The following PDE7B variants were observed in gnomAD, a reference collection of about 807,000 sequenced individuals.
The protein encoded by PDE7B is phosphodiesterase 7B, also known as 3',5'-cyclic-AMP phosphodiesterase 7B.
In PDE7B, 29 loss-of-function variants were observed where a neutral mutation model predicts 56.2. The observed-to-expected ratio is 0.52, with a 90% CI of 0.38 to 0.70. The LOEUF (loss-of-function observed/expected upper bound fraction) is 0.70. Ranked by LOEUF, PDE7B falls within the 30% of genes least tolerant of loss-of-function variation. The probability of loss-of-function intolerance (pLI) is 0.00; values close to 1 mark genes in which losing one functional copy is unlikely to be tolerated. For missense variants in PDE7B, 490 were observed against 565.0 expected, an observed-to-expected ratio of 0.87 and a Z score of 1.35; for synonymous variants, 197 against 196.9, an observed-to-expected ratio of 1.00 and a Z score of 0.00.
intron 2 of PDE7B, among the ~76,000 whole-genome samples, chr6:135,981,671 C>T (rs1340062471): frequency 6.6e-6 from 1 of 151,202 alleles, no homozygotes; most frequent in African/African-American, 2.4e-5. Flanking sequence ...TCTTCAGGGG[C>T]AATAACACAC....
intron 2 of PDE7B, among the ~76,000 whole-genome samples, chr6:136,013,069 T>C (rs919236880): frequency 6.6e-6 from 1 of 152,226 alleles, no homozygotes; most frequent in African/African-American, 2.4e-5. Flanking sequence ...TTATCTTTGA[T>C]GTAACATGTG....
At chr6:136,079,068 C>A (rs952671284) in intron 2 of PDE7B, among the ~76,000 whole-genome samples, 1 of 152,086 alleles carries the variant, frequency 6.6e-6, no homozygotes, top group Non-Finnish European at 1.5e-5. Context: ...CACTGCATTC[C>A]CAATAATCCA....
At chr6:135,928,758 T>C (rs1385948832) in intron 1 of PDE7B, among the ~76,000 whole-genome samples, 3 of 151,558 alleles carry the variant, frequency 2.0e-5, no homozygotes, top group African/African-American at 7.3e-5. Context: ...AAACATTTAA[T>C]ATGCATGGAC....
At chr6:136,058,289 C>T (rs1420220794) in intron 2 of PDE7B, among the ~76,000 whole-genome samples, 1 of 152,116 alleles carries the variant, frequency 6.6e-6, no homozygotes, top group Non-Finnish European at 1.5e-5. Context: ...TAGATATCCT[C>T]ATGAGATTTC....
intron 1 of PDE7B, among the ~76,000 whole-genome samples, chr6:135,934,361 T>C (rs1774351439): frequency 6.6e-6 from 1 of 152,160 alleles, no homozygotes. Context: ...ACCAAGGAGA[T>C]TTAAAACAAA....
At chr6:136,070,157 A>C (rs892542829) in intron 2 of PDE7B, 3 of 152,130 alleles carry the variant, frequency 2.0e-5, no homozygotes, top group Non-Finnish European at 2.9e-5. Flanking sequence ...AAAAAAAAAA[A>C]AACAGAAGAT....
chr6:135,932,117 T>C (rs1468416397), intron 1 of PDE7B, among the ~76,000 whole-genome samples: 1 of 151,904 alleles, frequency 6.6e-6, no homozygotes, highest in East Asian at 1.9e-4. Flanking sequence ...GCTTAAAAAA[T>C]TTATAGGAAA....
At chr6:136,085,914 G>T (rs1777283933) in intron 2 of PDE7B, among the ~76,000 whole-genome samples, 1 of 152,090 alleles carries the variant, frequency 6.6e-6, no homozygotes, top group South Asian at 2.1e-4. Context: ...ACATCTTAGG[G>T]TCATTATTAA....
intron 2 of PDE7B, among the ~76,000 whole-genome samples, chr6:136,092,796 A>G (rs943994230): frequency 6.6e-6 from 1 of 152,060 alleles, no homozygotes; most frequent in Non-Finnish European, 1.5e-5. Context: ...TCAGAGTGAA[A>G]TGGGGAGATG....
Position 136,133,298 on chromosome 6 carries a change from T to C in PDE7B, c.167-14053T>C, listed in dbSNP as rs531284103. Among the ~76,000 whole-genome samples the C allele has an allele frequency of 6.6e-5, 10 of 151,692 alleles. No homozygotes were observed. In the East Asian group the frequency reaches 1.7e-3, roughly 26 times the overall value. ...AAAAAAAAAAAGCATAAAGGTTTTC[T>C]TTCTGGAAGTTTTTAGAGATCAAAG... is the stretch of plus-strand genomic sequence containing the variant. On this transcript the variant is annotated intron_variant, in intron 3 of 12. Coordinates refer to ENST00000308191, the MANE Select transcript of PDE7B (RefSeq NM_018945.4).
At chr6:136,041,188 C>T (rs1034137603) in intron 2 of PDE7B, among the ~76,000 whole-genome samples, 1 of 152,128 alleles carries the variant, frequency 6.6e-6, no homozygotes, top group South Asian at 2.1e-4. Flanking sequence ...TTTAATGGAA[C>T]CTTAAAAGTC....
chr6:135,901,233 A>T (rs556724515), intron 1 of PDE7B, among the ~76,000 whole-genome samples: 2 of 152,320 alleles, frequency 1.3e-5, no homozygotes, highest in Admixed American at 6.5e-5. Flanking sequence ...TCTCCTATGG[A>T]TTTAAATTTA....
At chr6:135,994,438 A>G (rs1309108208) in intron 2 of PDE7B, among the ~76,000 whole-genome samples, 1 of 152,124 alleles carries the variant, frequency 6.6e-6, no homozygotes, top group African/African-American at 2.4e-5. Context: ...GATACATTTG[A>G]CTCCATCCTA....
chr6:135,879,531 G>T (rs1775565749), intron 1 of PDE7B, among the ~76,000 whole-genome samples: 1 of 151,844 alleles, frequency 6.6e-6, no homozygotes, highest in Admixed American at 6.6e-5. Flanking sequence ...TACAAAAAGT[G>T]GTTTTTTTTT....
At chr6:136,099,972 A>G (rs928503587) in intron 2 of PDE7B, among the ~76,000 whole-genome samples, 1 of 152,210 alleles carries the variant, frequency 6.6e-6, no homozygotes, top group Admixed American at 6.5e-5. Context: ...GAAGGGATCC[A>G]GTTTCAGCTT....
chr6:136,101,557 T>C (rs2128217219), intron 2 of PDE7B, among the ~76,000 whole-genome samples: 1 of 152,366 alleles, frequency 6.6e-6, no homozygotes, highest in East Asian at 1.9e-4. Context: ...TGTGTAGAAG[T>C]GTTTGTAGTA....
chr6:135,888,691 A>G (rs1398220787), intron 1 of PDE7B, among the ~76,000 whole-genome samples: 1 of 151,880 alleles, frequency 6.6e-6, no homozygotes, highest in East Asian at 1.9e-4. Flanking sequence ...AATAAATATT[A>G]TAGGTATAAA....
chr6:135,938,162 GTTTTC>G (rs1489019226), intron 1 of PDE7B, among the ~76,000 whole-genome samples: 1 of 152,118 alleles, frequency 6.6e-6, no homozygotes, highest in African/African-American at 2.4e-5. Flanking sequence ...CCACCAATCT[GTTTTC>G]TTTTCTTTTT....
intron 1 of PDE7B, among the ~76,000 whole-genome samples, chr6:135,857,331 T>C (rs1483760647): frequency 2.6e-5 from 4 of 152,174 alleles, no homozygotes; most frequent in Non-Finnish European, 5.9e-5. Context: ...ATAGGAAGTA[T>C]ATAAAATATT....
Sources: gnomAD v4.1 joint callset for allele counts (sites outside exome capture counted in the v4.1 genomes callset) on GRCh38, gnomAD v4.1.1 for gene constraint, MANE v1.5 for transcripts, NCBI Gene and HGNC (gene_info 2026-07-23, HGNC 2026-07-21) for gene names.